The following ZNF730 variants were observed in gnomAD, a reference collection of about 807,000 sequenced individuals.
ZNF730 encodes the protein putative zinc finger protein 730.
In ZNF730, 12 loss-of-function variants were observed where a neutral mutation model predicts 12.6. That is an observed-to-expected ratio of 0.95 (90% CI 0.61 to 1.54). ZNF730 has a LOEUF of 1.54. ZNF730 is among the 40% of genes most tolerant of loss of function. The pLI is 0.00. For missense variants in ZNF730, 643 were observed against 583.5 expected, an observed-to-expected ratio of 1.10 and a Z score of -1.05; for synonymous variants, 194 against 195.8, an observed-to-expected ratio of 0.99 and a Z score of 0.08.
Position 23,146,558 on chromosome 19 carries a change from ATT to A in ZNF730, c.*3_*4del. The stretch of plus-strand genomic sequence containing the variant: ...AGGCATAAGACAATTCATACATAAA[ATT>A]GTAAAGACTGTGGCAAAGCTTTTAA... On this transcript the variant is annotated 3_prime_UTR_variant, in exon 4 of 4. Transcript: ENST00000597761. The A allele has an allele frequency of 6.3e-7, 1 of 1,585,192 alleles. No homozygotes were observed. The highest frequency in any genetic ancestry group is 1.7e-4 in the Middle Eastern group (1 of 5,930).
Position 23,146,487 on chromosome 19 carries a change from A to G in ZNF730, c.1443A>G (p.Lys481=). ...TTCATTCTGGGGAAAAAATCTACAA[A>G]TGTAAAGAATGTGGTAAAGCCTTTA... ...KIIHSGEKIY[K]CKECGKAFRR... is the part of the protein sequence containing the mutation. Residue 481 remains lysine (K), a synonymous_variant, in exon 4 of 4, where the codon AAA becomes AAG. Coordinates refer to ENST00000597761, the MANE Select transcript of ZNF730 (RefSeq NM_001277403.2). 1 of 1,602,634 alleles carries G rather than the reference A, an allele frequency of 6.2e-7. No individual in the cohort carries two copies. Among genetic ancestry groups the G allele is most frequent in the Non-Finnish European group, 8.5e-7 (1 of 1,175,670 alleles).
chr19:23,128,268 A>G (rs1422922934), intron 1 of ZNF730: 2 of 700,532 alleles, frequency 2.9e-6, no homozygotes, highest in Admixed American at 1.8e-5. Context: ...AGTACATCAT[A>G]GGCCAGAATG....
intron 1 of ZNF730, among the ~76,000 whole-genome samples, chr19:23,109,562 C>T (rs1970437320): frequency 6.6e-6 from 1 of 152,018 alleles, no homozygotes; most frequent in African/African-American, 2.4e-5. Flanking sequence ...GCGCCACACC[C>T]AGCTAATTTT....
At chr19:23,099,674 G>C (rs1415158018) in intron 1 of ZNF730, among the ~76,000 whole-genome samples, 1 of 152,196 alleles carries the variant, frequency 6.6e-6, no homozygotes, top group Non-Finnish European at 1.5e-5. Flanking sequence ...CCACCATTGA[G>C]ATTGTGACTT....
intron 2 of ZNF730, among the ~76,000 whole-genome samples, chr19:23,135,221 TAAAAAAAAAAAAAAAAAAAAAAA>T (rs57748615): frequency 4.4e-4 from 17 of 38,824 alleles, no homozygotes; most frequent in East Asian, 1.3e-3. Flanking sequence ...GAATGATCAA[TAAAAAAAAAAAAAAAAAAAAAAA>T]AAAAAAAAAA....
At chr19:23,104,417 T>C (rs1365775130) in intron 1 of ZNF730, among the ~76,000 whole-genome samples, 2 of 152,170 alleles carry the variant, frequency 1.3e-5, no homozygotes, top group Non-Finnish European at 2.9e-5. Context: ...AGCAACCTTT[T>C]TGACTTTTGC....
chr19:23,114,108 G>C (rs540445019), upstream of ZNF730, among the ~76,000 whole-genome samples: 1 of 152,116 alleles, frequency 6.6e-6, no homozygotes, highest in African/African-American at 2.4e-5. Flanking sequence ...AATCAATCTA[G>C]CTGTTCCTGT....
chr19:23,095,481 A>G, intron 1 of ZNF730: 1 of 398,574 alleles, frequency 2.5e-6, no homozygotes, highest in Non-Finnish European at 4.4e-6. Context: ...CTTCTCACAG[A>G]AGAGATTGTA....
At chr19:23,129,919 G>A (rs548190258) in intron 1 of ZNF730, among the ~76,000 whole-genome samples, 82 of 151,420 alleles carry the variant, frequency 5.4e-4, no homozygotes, top group African/African-American at 1.7e-3. Flanking sequence ...GCGTGAACCC[G>A]GAAGGCAGAG....
At chr19:23,076,651 A>G (rs1969867332) in intron 1 of ZNF730, among the ~76,000 whole-genome samples, 1 of 152,140 alleles carries the variant, frequency 6.6e-6, no homozygotes, top group Admixed American at 6.5e-5. Flanking sequence ...GGGCCTGAGG[A>G]CAGTCTCCTG....
upstream of ZNF730, among the ~76,000 whole-genome samples, chr19:23,115,881 T>G (rs184072096): frequency 2.3e-3 from 357 of 152,368 alleles, 1 homozygote; most frequent in African/African-American, 7.3e-3. Context: ...AACTAATACA[T>G]GCACCCAGTG....
chr19:23,099,942 A>C (rs945553669), intron 1 of ZNF730: 2 of 151,898 alleles, frequency 1.3e-5, no homozygotes, highest in African/African-American at 4.8e-5. Context: ...TGGGCCTTGC[A>C]CTCAGGTGAT....
chr19:23,085,119 C>A (rs567719885), intron 1 of ZNF730, among the ~76,000 whole-genome samples: 11 of 152,266 alleles, frequency 7.2e-5, no homozygotes, highest in Non-Finnish European at 1.6e-4. Flanking sequence ...ACCTCGTCAG[C>A]ATCTGTTATT....
intron 3 of ZNF730, 102 bp from the exon 4 acceptor site, chr19:23,145,169 C>T (rs991387740): frequency 3.9e-6 from 3 of 770,596 alleles, no homozygotes; most frequent in Admixed American, 3.6e-5. Flanking sequence ...TGGTATTTTG[C>T]TATGCTATCT....
chr19:23,132,538 GCTT>G (rs1312639303), intron 1 of ZNF730, among the ~76,000 whole-genome samples: 1 of 151,996 alleles, frequency 6.6e-6, no homozygotes, highest in African/African-American at 2.4e-5. Context: ...CTACATCATG[GCTT>G]CTTATATGCC....
intron 1 of ZNF730, among the ~76,000 whole-genome samples, chr19:23,119,185 A>G (rs1224579056): frequency 6.6e-6 from 1 of 152,212 alleles, no homozygotes; most frequent in Non-Finnish European, 1.5e-5. Context: ...TTTGTCATAG[A>G]TAACTCATTA....
At chr19:23,091,406 G>A (rs571359025) in intron 1 of ZNF730, among the ~76,000 whole-genome samples, 15 of 152,286 alleles carry the variant, frequency 9.8e-5, no homozygotes, top group African/African-American at 3.1e-4. Context: ...GGAGCTGTGA[G>A]AAGAAGGCCA....
chr19:23,114,715 G>T (rs755636955), upstream of ZNF730, among the ~76,000 whole-genome samples: 9 of 152,118 alleles, frequency 5.9e-5, no homozygotes, highest in South Asian at 1.2e-3. Flanking sequence ...ATAATCTGTT[G>T]TTGGGCTTTG....
At chr19:23,090,929 G>A (rs375004063) in intron 1 of ZNF730, among the ~76,000 whole-genome samples, 45 of 152,040 alleles carry the variant, frequency 3.0e-4, no homozygotes, top group African/African-American at 8.9e-4. Context: ...CCCAGGAGGC[G>A]GTGGAGGTTG....
Sources: allele counts gnomAD v4.1 joint callset (sites outside exome capture counted in the v4.1 genomes callset), GRCh38; gene constraint gnomAD v4.1.1; transcripts MANE v1.5; gene names NCBI Gene and HGNC (gene_info 2026-07-23, HGNC 2026-07-21).